The following DAB1 variants were observed in gnomAD, a reference collection of about 807,000 sequenced individuals.
DAB1 encodes DAB adaptor protein 1.
DAB1 carries 15 observed loss-of-function variants against 64.6 expected under a neutral mutation model. That is an observed-to-expected ratio of 0.23 (90% CI 0.16 to 0.36). The LOEUF (loss-of-function observed/expected upper bound fraction) is 0.36. DAB1 is among the 10% of genes least tolerant of loss of function. The pLI is 1.00. For synonymous variants in DAB1, 235 were observed against 251.9 expected (o/e 0.93, Z 0.64); for missense variants, 596 against 706.7 (o/e 0.84, Z 1.78).
At chr1:57,824,613 G>A (rs577412624), downstream of DAB1, among the ~76,000 whole-genome samples, 15 of 152,266 alleles carry the variant, frequency 9.9e-5, 1 homozygote, top group East Asian at 1.9e-3. Flanking sequence ...ACTGATACAT[G>A]TCACATTTTC....
At chr1:58,000,556 T>C (rs1570202245) in intron 5 of DAB1, among the ~76,000 whole-genome samples, 1 of 149,942 alleles carries the variant, frequency 6.7e-6, no homozygotes, top group South Asian at 2.1e-4. Flanking sequence ...TCTTCTCCTC[T>C]TTTTTGCCTT....
At chr1:57,079,559 A>C (rs993471803) in intron 4 of DAB1, among the ~76,000 whole-genome samples, 2 of 152,162 alleles carry the variant, frequency 1.3e-5, no homozygotes, top group Non-Finnish European at 2.9e-5. Context: ...CTAGTACTTA[A>C]AACACAGCAA....
intron 3 of DAB1, among the ~76,000 whole-genome samples, chr1:58,432,793 T>G (rs1644894015): frequency 6.6e-6 from 1 of 152,154 alleles, no homozygotes; most frequent in African/African-American, 2.4e-5. Flanking sequence ...TTCTGTGAGC[T>G]CTAAATCATC....
chr1:57,199,276 T>A (rs1664896965), intron 2 of DAB1, among the ~76,000 whole-genome samples: 3 of 152,214 alleles, frequency 2.0e-5, no homozygotes, highest in African/African-American at 7.2e-5. Flanking sequence ...AATAATTTAT[T>A]TTAAAAAGGA....
At chr1:57,585,399 T>G (rs1645366917) in intron 7 of DAB1, among the ~76,000 whole-genome samples, 1 of 152,210 alleles carries the variant, frequency 6.6e-6, no homozygotes, top group Non-Finnish European at 1.5e-5. Context: ...TTGCCAATAT[T>G]TTTTTAAACT....
chr1:57,582,106 C>A (rs1282054755), intron 7 of DAB1, among the ~76,000 whole-genome samples: 1 of 152,154 alleles, frequency 6.6e-6, no homozygotes, highest in Non-Finnish European at 1.5e-5. Context: ...TGGGACTCTA[C>A]CCTCAATGAC....
downstream of DAB1, among the ~76,000 whole-genome samples, chr1:57,824,205 C>T (rs1356587485): frequency 6.6e-6 from 1 of 152,114 alleles, no homozygotes; most frequent in African/African-American, 2.4e-5. Flanking sequence ...CAGTGAATGG[C>T]CAAGCCAGGA....
intron 6 of DAB1, among the ~76,000 whole-genome samples, chr1:57,691,025 C>A (rs1646757626): frequency 6.6e-6 from 1 of 151,918 alleles, no homozygotes; most frequent in Non-Finnish European, 1.5e-5. Context: ...GTTTGAGTTC[C>A]TTATATATTA....
At chr1:57,762,572 T>TA (rs142078420) in intron 6 of DAB1, among the ~76,000 whole-genome samples, 17 of 151,646 alleles carry the variant, frequency 1.1e-4, no homozygotes, top group Admixed American at 6.6e-4. Flanking sequence ...CAGCAAGACA[T>TA]AAAAAAAAAT....
intron 3 of DAB1, among the ~76,000 whole-genome samples, chr1:58,344,624 C>T (rs1190025210): frequency 1.3e-5 from 2 of 152,150 alleles, no homozygotes; most frequent in African/African-American, 4.8e-5. Context: ...ATATAAAACT[C>T]TGCATATCAA....
chr1:58,452,230 G>T (rs1645145452), intron 3 of DAB1, among the ~76,000 whole-genome samples: 1 of 151,626 alleles, frequency 6.6e-6, no homozygotes, highest in Non-Finnish European at 1.5e-5. Flanking sequence ...CACTGCACCT[G>T]GCCTGCATCC....
intron 1 of DAB1, among the ~76,000 whole-genome samples, chr1:57,410,984 T>C (rs1334736806): frequency 2.0e-5 from 3 of 152,186 alleles, no homozygotes; most frequent in East Asian, 3.9e-4. Flanking sequence ...GGGATGACTG[T>C]TGGAGGGAAA....
intron 7 of DAB1, among the ~76,000 whole-genome samples, chr1:57,448,635 A>G (rs1158917248): frequency 6.6e-6 from 1 of 152,160 alleles, no homozygotes; most frequent in Non-Finnish European, 1.5e-5. Flanking sequence ...CTTGATCAAG[A>G]CATTGTACTT....
chr1:58,019,375 C>T (rs918117884), intron 5 of DAB1, among the ~76,000 whole-genome samples: 6 of 152,156 alleles, frequency 3.9e-5, no homozygotes, highest in African/African-American at 1.2e-4. Context: ...GTGTTTATAG[C>T]CCTATTAATA....
At chr1:57,453,196 A>G (rs1460997271) in intron 7 of DAB1, among the ~76,000 whole-genome samples, 1 of 152,116 alleles carries the variant, frequency 6.6e-6, no homozygotes, top group Non-Finnish European at 1.5e-5. Flanking sequence ...TACAGAGTGT[A>G]TTTTCTTAAT....
chr1:57,552,496 C>G (rs532196724), intron 7 of DAB1, among the ~76,000 whole-genome samples: 2 of 152,154 alleles, frequency 1.3e-5, no homozygotes, highest in African/African-American at 4.8e-5. Flanking sequence ...TTTGTGAAGT[C>G]TGGGTATAGT....
intron 3 of DAB1, among the ~76,000 whole-genome samples, chr1:58,485,792 G>T (rs977468507): frequency 6.6e-6 from 1 of 151,898 alleles, no homozygotes; most frequent in East Asian, 1.9e-4. Context: ...TTAACTCCAC[G>T]CACTGCACAT....
At chr1:57,244,500 C>T (rs1668721360) in intron 2 of DAB1, among the ~76,000 whole-genome samples, 1 of 152,158 alleles carries the variant, frequency 6.6e-6, no homozygotes, top group Admixed American at 6.5e-5. Flanking sequence ...ACCAAAGGAA[C>T]AGACAAGAAC....
chr1:57,155,603 T>C (rs1187354662), intron 2 of DAB1, among the ~76,000 whole-genome samples: 2 of 152,076 alleles, frequency 1.3e-5, no homozygotes, highest in Non-Finnish European at 1.5e-5. Flanking sequence ...TTGATAAGGA[T>C]TGTATTGAAT....
Sources: allele counts gnomAD v4.1 joint callset (sites outside exome capture counted in the v4.1 genomes callset), GRCh38; gene constraint gnomAD v4.1.1; transcripts MANE v1.5; gene names NCBI Gene and HGNC (gene_info 2026-07-23, HGNC 2026-07-21).